The following GRIP2 variants were observed in gnomAD, a reference collection of about 807,000 sequenced individuals.
GRIP2 encodes the protein glutamate receptor interacting protein 2.
A neutral mutation model predicts 108.3 loss-of-function variants in GRIP2; 58 were observed. The ratio of observed to expected loss-of-function variants is 0.54; its 90% CI spans 0.43 to 0.67. The LOEUF (loss-of-function observed/expected upper bound fraction) is 0.67, where lower values mean the gene tolerates loss of function less well. Ranked by LOEUF, GRIP2 falls within the 30% of genes least tolerant of loss-of-function variation. GRIP2 has a pLI of 0.00. For synonymous variants in GRIP2, 586 were observed against 598.2 expected, an observed-to-expected ratio of 0.98 and a Z score of 0.30; for missense variants, 1,278 against 1,430.6, an observed-to-expected ratio of 0.89 and a Z score of 1.72.
chr3:14,580,948 T>C, the GRIP2 span, among the ~76,000 whole-genome samples: 1 of 152,244 alleles, frequency 6.6e-6, no homozygotes, highest in Non-Finnish European at 1.5e-5. Context: ...TCCTCAAGGC[T>C]GCAACATAGA....
chr3:14,547,359 G>A (rs776823144), intron 1 of GRIP2, among the ~76,000 whole-genome samples: 29 of 152,204 alleles, frequency 1.9e-4, no homozygotes, highest in Non-Finnish European at 5.9e-5. Flanking sequence ...TGCAAGTTTA[G>A]AGGGAAGGAA....
intron 1 of GRIP2, among the ~76,000 whole-genome samples, chr3:14,550,753 G>A (rs1019484778): frequency 2.0e-5 from 3 of 152,102 alleles, no homozygotes; most frequent in Admixed American, 6.5e-5. Flanking sequence ...AATGACCCTC[G>A]GCTGCTTACA....
At chr3:14,595,286 C>A in the GRIP2 span, among the ~76,000 whole-genome samples, 1 of 152,136 alleles carries the variant, frequency 6.6e-6, no homozygotes, top group East Asian at 1.9e-4. Context: ...CCTCAACCTC[C>A]CAAAGCGCTG....
rs1371992366 is a variant in GRIP2 at position 14,521,253 on chromosome 3, C to A, written c.712+389G>T. The stretch of plus-strand genomic sequence containing the variant: ...GCCCTCCTGGAATGCTGTCCCTGGA[C>A]ATTCCATGCCTCGCTCATTCCCTCA... On this transcript the variant is annotated intron_variant, in intron 7 of 23. Coordinates refer to ENST00000621039, the MANE Select transcript of GRIP2 (RefSeq NM_001080423.4). This position sits in a 1 kb window ranked among gnomAD's most constrained non-coding sequence, Gnocchi z 5.1. 29 of 181,738 alleles carry A rather than the reference C, an allele frequency of 1.6e-4. No individual in the cohort carries two copies. The highest frequency in any genetic ancestry group is 1.1e-5 in the Non-Finnish European group (1 of 88,150). The allele number at this position is 181,738 out of a possible 1,614,324, so 11.3% of individuals were successfully genotyped here.
At chr3:14,602,894 C>T in the GRIP2 span, among the ~76,000 whole-genome samples, 1 of 150,946 alleles carries the variant, frequency 6.6e-6, no homozygotes, top group Non-Finnish European at 1.5e-5. This position sits in a 1 kb window ranked among gnomAD's most constrained non-coding sequence, Gnocchi z 4.7. Context: ...GCGCCGCGCG[C>T]GCGCTCACCG....
At chr3:14,502,861 T>C (rs1365807222) in intron 21 of GRIP2, among the ~76,000 whole-genome samples, 1 of 152,000 alleles carries the variant, frequency 6.6e-6, no homozygotes, top group Non-Finnish European at 1.5e-5. Flanking sequence ...AACCTAGTAA[T>C]TGGCAAGATT....
At chr3:14,517,719 T>A in intron 10 of GRIP2, 53 bp downstream of exon 10, 1 of 1,598,532 alleles carries the variant, frequency 6.3e-7, no homozygotes, top group Non-Finnish European at 8.5e-7. Context: ...CATCGCCCCC[T>A]CCCTAGGAAA....
chr3:14,558,422 G>A (rs768701111), upstream of GRIP2, among the ~76,000 whole-genome samples: 9 of 152,182 alleles, frequency 5.9e-5, no homozygotes, highest in Non-Finnish European at 8.8e-5. Flanking sequence ...GGGAGCTCTG[G>A]CTGTGGATGA....
intron 1 of GRIP2, 130 bp from the exon 2 acceptor site, chr3:14,526,061 A>G (rs1694546666): frequency 2.7e-6 from 2 of 740,156 alleles, no homozygotes; most frequent in East Asian, 5.4e-5. Context: ...CACCAGCTCC[A>G]CCCGATTCTC....
At chr3:14,551,325 G>A (rs1015785780) in intron 1 of GRIP2, among the ~76,000 whole-genome samples, 1 of 152,208 alleles carries the variant, frequency 6.6e-6, no homozygotes. Flanking sequence ...GAAGAGATCA[G>A]CATGCATTCC....
intron 21 of GRIP2, among the ~76,000 whole-genome samples, chr3:14,498,322 G>A (rs1394423011): frequency 6.6e-6 from 1 of 152,132 alleles, no homozygotes; most frequent in African/African-American, 2.4e-5. Flanking sequence ...TATTAGCCAG[G>A]TGTGGTGATG....
the GRIP2 span, among the ~76,000 whole-genome samples, chr3:14,584,938 C>T: frequency 3.3e-4 from 50 of 152,218 alleles, no homozygotes; most frequent in Non-Finnish European, 6.5e-4. Context: ...CCCCAAGGGG[C>T]CACCTGCCAC....
At position 14,522,922 on chromosome 3, in the gene GRIP2, G is replaced by A. The variant is rs2124924543; in HGVS notation, c.566+78C>T. 1.7e-6 allele frequency: 2 copies of A among 1,192,622 alleles called. No individual in the cohort carries two copies. The highest frequency in any genetic ancestry group is 4.7e-5 in the East Asian group (2 of 42,796). 73.9% of individuals were successfully genotyped at this position (1,192,622 alleles called of 1,614,324 possible). On this transcript the variant is annotated intron_variant, in intron 6 of 23. Coordinates refer to ENST00000621039, the MANE Select transcript of GRIP2 (RefSeq NM_001080423.4). The surrounding 1 kb of genome is among the most constrained non-coding windows in gnomAD (Gnocchi z 4.3). ...TCTCTTCATCTGGGGAAGGGGCATG[G>A]TGACCCCACTCCACCTTCTTCGCAG...
chr3:14,534,592 C>T (rs985512459), intron 1 of GRIP2, among the ~76,000 whole-genome samples: 9 of 151,990 alleles, frequency 5.9e-5, no homozygotes, highest in Admixed American at 2.0e-4. Flanking sequence ...TTCAGTCAAT[C>T]GTCCTGTAGG....
At chr3:14,572,822 G>A in the GRIP2 span, 36 of 912,524 alleles carry the variant, frequency 3.9e-5, no homozygotes, top group South Asian at 3.4e-4. Flanking sequence ...CTGCTGGAGC[G>A]CATGGTCCCT....
At chr3:14,561,011 A>G (rs1465784459), upstream of GRIP2, among the ~76,000 whole-genome samples, 1 of 152,214 alleles carries the variant, frequency 6.6e-6, no homozygotes, top group East Asian at 1.9e-4. Context: ...CTTTGGGTGC[A>G]GGGGCCCCAG....
intron 1 of GRIP2, among the ~76,000 whole-genome samples, chr3:14,553,280 G>C (rs899826577): frequency 1.3e-5 from 2 of 151,682 alleles, no homozygotes; most frequent in Admixed American, 6.6e-5. Flanking sequence ...GCTAATTTTT[G>C]TATTTTTTAG....
chr3:14,562,422 A>T, the GRIP2 span, among the ~76,000 whole-genome samples: 3 of 152,222 alleles, frequency 2.0e-5, no homozygotes, highest in African/African-American at 7.2e-5. Context: ...GCAGTGATCC[A>T]TGTGTTCCTA....
upstream of GRIP2, among the ~76,000 whole-genome samples, chr3:14,541,511 C>G (rs916734118): frequency 6.6e-6 from 1 of 152,234 alleles, no homozygotes; most frequent in African/African-American, 2.4e-5. Flanking sequence ...ACAGTGACCC[C>G]AGCATGGAAT....
Sources: gnomAD v4.1 joint callset for allele counts (sites outside exome capture counted in the v4.1 genomes callset) on GRCh38, gnomAD v4.1.1 for gene constraint, Gnocchi (gnomAD v3.1) non-coding constraint, MANE v1.5 for transcripts, NCBI Gene and HGNC (gene_info 2026-07-23, HGNC 2026-07-21) for gene names.